Variants in AIMP1 observed in about 807,000 individuals in gnomAD.
AIMP1 encodes aminoacyl tRNA synthetase complex interacting multifunctional protein 1.
Under a neutral mutation model 33.1 loss-of-function variants are expected in AIMP1, and 24 were observed. That is an observed-to-expected ratio of 0.73 (90% CI 0.53 to 1.02). The LOEUF is 1.02. AIMP1 is among the 50% of genes least tolerant of loss of function. The pLI is 0.00. For missense variants in AIMP1, 367 were observed against 364.8 expected (o/e 1.01, Z -0.05); for synonymous variants, 120 against 121.5 (o/e 0.99, Z 0.08).
chr4:106,322,384 C>T (rs1157962882), intron 1 of AIMP1, among the ~76,000 whole-genome samples: 1 of 151,826 alleles, frequency 6.6e-6, no homozygotes, highest in South Asian at 2.1e-4. Flanking sequence ...GTATATATAC[C>T]CATGTTCCTC....
chr4:106,345,801 G>C (rs1464320323), intron 6 of AIMP1, among the ~76,000 whole-genome samples: 1 of 149,040 alleles, frequency 6.7e-6, no homozygotes, highest in Non-Finnish European at 1.5e-5. Context: ...TATATGACTG[G>C]AAAATAAATA....
At chr4:106,327,850 ATTGAT>A (rs1164381857) in intron 3 of AIMP1, among the ~76,000 whole-genome samples, 2 of 152,180 alleles carry the variant, frequency 1.3e-5, no homozygotes, top group Non-Finnish European at 2.9e-5. Flanking sequence ...CGGTTTAGTA[ATTGAT>A]TAAATGGGAA....
chr4:106,318,003 A>G (rs1769038435), intron 1 of AIMP1, among the ~76,000 whole-genome samples: 1 of 152,066 alleles, frequency 6.6e-6, no homozygotes, highest in Non-Finnish European at 1.5e-5. Flanking sequence ...TGTGTTAATG[A>G]CGATGGTATT....
chr4:106,329,595 TAATTTAAATAATTTTA>T (rs1406066866), intron 4 of AIMP1, among the ~76,000 whole-genome samples: 1 of 152,118 alleles, frequency 6.6e-6, no homozygotes, highest in Non-Finnish European at 1.5e-5. Context: ...ACTGAATTTC[TAATTTAAATAATTTTA>T]AATTTAAATT....
intron 1 of AIMP1, among the ~76,000 whole-genome samples, chr4:106,320,658 TTA>T (rs1491558512): frequency 2.7e-5 from 3 of 109,916 alleles, no homozygotes; most frequent in Admixed American, 8.4e-5. Context: ...ATGGGACAGA[TTA>T]AAAAAAAAAG....
intron 1 of AIMP1, among the ~76,000 whole-genome samples, chr4:106,318,350 G>A (rs894565351): frequency 2.3e-4 from 35 of 152,192 alleles, no homozygotes; most frequent in African/African-American, 7.7e-4. Flanking sequence ...TTTTCACCTA[G>A]TGCTAAAAGG....
chr4:106,323,143 A>C (rs1769329460), intron 1 of AIMP1, among the ~76,000 whole-genome samples: 1 of 152,200 alleles, frequency 6.6e-6, no homozygotes, highest in African/African-American at 2.4e-5. Context: ...ATGTATTATA[A>C]AAGTCATATT....
intron 6 of AIMP1, among the ~76,000 whole-genome samples, chr4:106,340,420 G>T: frequency 6.6e-6 from 1 of 152,018 alleles, no homozygotes; most frequent in East Asian, 1.9e-4. Context: ...GGTAATTTTA[G>T]AACCCTCACC....
At chr4:106,316,846 G>A in intron 1 of AIMP1, 1 of 470,562 alleles carries the variant, frequency 2.1e-6, no homozygotes, top group East Asian at 3.4e-5. Context: ...ATCCCTAAGC[G>A]TATTTACTGT....
intron 5 of AIMP1, 150 bp downstream of exon 5, chr4:106,332,033 A>C (rs1769700982): frequency 1.3e-6 from 1 of 755,592 alleles, no homozygotes; most frequent in Admixed American, 2.3e-5. Flanking sequence ...TTAATTACAC[A>C]AAAAAAGCAT....
rs776029167 is a variant in AIMP1, at chr4:106,331,727, A to G, written c.447A>G (p.Pro149=). 2.5e-6 allele frequency: 4 copies of G among 1,614,128 alleles called. No individual in the cohort carries two copies. The South Asian group carries it at 4.4e-5, about 18-fold the overall frequency. The change falls in exon 5 of 7, where the codon CCA becomes CCG. Residue 149 remains proline, a synonymous_variant. Coordinates refer to ENST00000672341, the MANE Select transcript of AIMP1 (RefSeq NM_001142416.2). ...QSIAGSADSK[P]IDVSRLDLRI... ...TAGCTGGAAGTGCCGACTCTAAGCC[A>G]ATAGATGTTTCCCGTCTGGATCTTC...
intron 6 of AIMP1, 101 bp from the exon 7 acceptor site, chr4:106,347,425 A>G (rs1423108105): frequency 2.6e-6 from 3 of 1,160,402 alleles, no homozygotes; most frequent in African/African-American, 1.6e-5. Context: ...AAATCAGAAA[A>G]TGTTGCCAAA....
chr4:106,325,079 T>A lies in AIMP1; in HGVS notation c.70T>A (p.Tyr24Asn). ...KGAEADQIIE[Y>N]LKQQVSLLKE... is the part of the protein sequence containing the mutation. ...TGCAGAGGCAGATCAAATCATTGAA[T>A]ATCTTAAGCAGCAAGTTTCTCTACT... Residue 24 changes from tyrosine (Y) to asparagine (N), a missense_variant, in exon 2 of 7, where the codon TAT becomes AAT. Coordinates refer to ENST00000672341, the MANE Select transcript of AIMP1 (RefSeq NM_001142416.2). 6.2e-7 allele frequency: 1 copy of A among 1,613,064 alleles called. No individual in the cohort carries two copies. Among genetic ancestry groups the A allele is most frequent in the Non-Finnish European group, 8.5e-7 (1 of 1,179,342 alleles).
chr4:106,344,440 C>T (rs1770215834), intron 6 of AIMP1, among the ~76,000 whole-genome samples: 2 of 152,234 alleles, frequency 1.3e-5, no homozygotes, highest in South Asian at 4.2e-4. Flanking sequence ...TACATCTTCT[C>T]CTCAGAAAAT....
chr4:106,346,372 G>C (rs545951175), intron 6 of AIMP1, among the ~76,000 whole-genome samples: 52 of 152,240 alleles, frequency 3.4e-4, no homozygotes, highest in African/African-American at 1.3e-3. Context: ...AGTATGGTTT[G>C]TCAGGGGGCA....
intron 6 of AIMP1, among the ~76,000 whole-genome samples, chr4:106,338,746 C>T (rs1352245100): frequency 6.6e-6 from 1 of 152,180 alleles, no homozygotes; most frequent in Non-Finnish European, 1.5e-5. Context: ...GGGCCACTGT[C>T]CTCCAGACCC....
At chr4:106,322,517 T>G (rs1769302152) in intron 1 of AIMP1, among the ~76,000 whole-genome samples, 2 of 152,222 alleles carry the variant, frequency 1.3e-5, no homozygotes, top group South Asian at 4.1e-4. Flanking sequence ...AAAACCTGTT[T>G]CCAGAGCTTC....
chr4:106,320,158 T>C (rs938872517), intron 1 of AIMP1, among the ~76,000 whole-genome samples: 3 of 116,050 alleles, frequency 2.6e-5, no homozygotes, highest in African/African-American at 7.7e-5. Flanking sequence ...GGTTGACTTA[T>C]ACTCAATGTA....
intron 5 of AIMP1, 85 bp from the exon 6 acceptor site, chr4:106,336,784 C>A: frequency 1.6e-6 from 2 of 1,231,128 alleles, no homozygotes; most frequent in Non-Finnish European, 2.4e-6. Context: ...TGATACTTAG[C>A]ATATTAGGTG....
Sources: gnomAD v4.1 joint callset for allele counts (sites outside exome capture counted in the v4.1 genomes callset) on GRCh38, gnomAD v4.1.1 for gene constraint, MANE v1.5 for transcripts, NCBI Gene and HGNC (gene_info 2026-07-23, HGNC 2026-07-21) for gene names.